The following CSMD1 variants were observed in gnomAD, a reference collection of about 807,000 sequenced individuals.
The protein encoded by CSMD1 is CUB and sushi domain-containing protein 1.
CSMD1 carries 213 observed loss-of-function variants against 417.5 expected under a neutral mutation model. That is an observed-to-expected ratio of 0.51 (90% CI 0.46 to 0.57). The LOEUF is 0.57. Ranked by LOEUF, CSMD1 falls within the 20% of genes least tolerant of loss-of-function variation. The pLI is 0.00. For synonymous variants in CSMD1, 2,862 were observed against 1,736.8 expected, an observed-to-expected ratio of 1.65 and a Z score of -16.11; for missense variants, 6,923 against 4,529.7, an observed-to-expected ratio of 1.53 and a Z score of -15.17.
At chr8:3,864,559 C>G (rs141876362) in intron 5 of CSMD1, among the ~76,000 whole-genome samples, 4,328 of 152,238 alleles carry the variant, frequency 0.028, 182 homozygotes, top group African/African-American at 0.097. Flanking sequence ...TGTTGGTGTA[C>G]TGCACCCATT....
intron 3 of CSMD1, among the ~76,000 whole-genome samples, chr8:4,185,586 A>G (rs1381257992): frequency 6.6e-6 from 1 of 152,182 alleles, no homozygotes; most frequent in Non-Finnish European, 1.5e-5. Context: ...TATCCTACCT[A>G]TCTAGTAAAT....
chr8:4,222,808 G>A (rs981694648), intron 3 of CSMD1, among the ~76,000 whole-genome samples: 3 of 152,138 alleles, frequency 2.0e-5, no homozygotes, highest in Non-Finnish European at 4.4e-5. Flanking sequence ...GAGCTGACCT[G>A]AGGATTTTGC....
chr8:3,074,407 G>C (rs994546879), intron 49 of CSMD1, among the ~76,000 whole-genome samples: 1 of 152,142 alleles, frequency 6.6e-6, no homozygotes, highest in African/African-American at 2.4e-5. Flanking sequence ...GGTCCATAGG[G>C]AGCTGTCTAC....
chr8:3,288,735 C>G (rs1041610120), intron 25 of CSMD1, among the ~76,000 whole-genome samples: 1 of 146,684 alleles, frequency 6.8e-6, no homozygotes, highest in Non-Finnish European at 1.5e-5. Flanking sequence ...TTTTGTTGAT[C>G]TTTTCAAAAA....
intron 2 of CSMD1, among the ~76,000 whole-genome samples, chr8:4,486,456 T>A (rs1801423032): frequency 6.6e-6 from 1 of 151,620 alleles, no homozygotes; most frequent in East Asian, 1.9e-4. Flanking sequence ...CTATATATTT[T>A]AAAAATATTT....
intron 2 of CSMD1, among the ~76,000 whole-genome samples, chr8:4,484,273 G>C (rs570282709): frequency 1.3e-5 from 2 of 151,636 alleles, no homozygotes; most frequent in South Asian, 4.2e-4. Flanking sequence ...CTAGGAACAA[G>C]GTTTCATTTT....
At chr8:3,524,783 G>A (rs867837490) in intron 10 of CSMD1, among the ~76,000 whole-genome samples, 1 of 148,594 alleles carries the variant, frequency 6.7e-6, no homozygotes, top group Non-Finnish European at 1.5e-5. Flanking sequence ...AGTGCACCGA[G>A]AGACATGCAC....
chr8:3,057,746 A>T (rs1237727544), intron 49 of CSMD1, among the ~76,000 whole-genome samples: 1 of 152,160 alleles, frequency 6.6e-6, no homozygotes, highest in East Asian at 1.9e-4. Flanking sequence ...ATTCAGGTAG[A>T]CTTTCTCATC....
chr8:4,579,408 G>C (rs567214665), intron 2 of CSMD1, among the ~76,000 whole-genome samples: 11 of 152,078 alleles, frequency 7.2e-5, no homozygotes, highest in South Asian at 4.2e-4. Flanking sequence ...CTCCAGGCTG[G>C]TGTACAATGG....
intron 1 of CSMD1, among the ~76,000 whole-genome samples, chr8:4,891,994 C>G (rs962453838): frequency 6.6e-6 from 1 of 151,978 alleles, no homozygotes; most frequent in Non-Finnish European, 1.5e-5. Flanking sequence ...ACCAAAATAG[C>G]TCTTAAACAC....
At chr8:4,301,107 T>G (rs534923255) in intron 3 of CSMD1, among the ~76,000 whole-genome samples, 37 of 152,290 alleles carry the variant, frequency 2.4e-4, no homozygotes, top group African/African-American at 7.9e-4. Flanking sequence ...TTGAAACTCT[T>G]GCAAAATTGC....
intron 1 of CSMD1, among the ~76,000 whole-genome samples, chr8:4,668,822 C>G (rs542128561): frequency 6.6e-6 from 1 of 152,114 alleles, no homozygotes; most frequent in East Asian, 1.9e-4. Flanking sequence ...ATGATTTCTT[C>G]TCTATATCTG....
intron 5 of CSMD1, among the ~76,000 whole-genome samples, chr8:3,859,462 T>G (rs1804539786): frequency 6.6e-6 from 1 of 152,194 alleles, no homozygotes. Flanking sequence ...GACTTTGTGC[T>G]TGGTTTCTGG....
intron 6 of CSMD1, among the ~76,000 whole-genome samples, chr8:3,722,546 T>C (rs556001728): frequency 6.6e-6 from 1 of 152,180 alleles, no homozygotes; most frequent in African/African-American, 2.4e-5. Context: ...TAACCCTTCT[T>C]ACCTCTTGTC....
chr8:4,205,911 C>T (rs975722613), intron 3 of CSMD1, among the ~76,000 whole-genome samples: 2 of 152,110 alleles, frequency 1.3e-5, no homozygotes, highest in African/African-American at 4.8e-5. Flanking sequence ...GTACCGAGTC[C>T]TCCTGCAGCC....
rs533038628 is a variant in CSMD1 at position 4,853,948 on chromosome 8, C to T, written c.85+140384G>A. 1.2e-3 allele frequency among the ~76,000 whole-genome samples: 188 copies of T among 151,554 alleles called. 1 individual carries two copies. Among genetic ancestry groups the T allele is most frequent in the Non-Finnish European group, 2.1e-3 (143 of 67,940 alleles). Reference sequence around the variant, plus strand: ...TTCAGAATTATGTGGGGCTTATTACCCCTTTCTTTTGGCCATTTTTTTTCC... The same window carrying T: ...TTCAGAATTATGTGGGGCTTATTACTCCTTTCTTTTGGCCATTTTTTTTCC... On this transcript the variant is annotated intron_variant, in intron 1 of 69. Coordinates refer to ENST00000635120, the MANE Select transcript of CSMD1 (RefSeq NM_033225.6).
Position 3,427,862 on chromosome 8 carries a change from T to C in CSMD1, c.1562-18257A>G, listed in dbSNP as rs75904711. On this transcript the variant is annotated intron_variant, in intron 12 of 69. Coordinates refer to ENST00000635120, the MANE Select transcript of CSMD1 (RefSeq NM_033225.6). ...GGAGGCGTATGCCTGTCAAATCGAT[T>C]ACTGTCAATGTGTAATGTTAGCATC... 1.5e-3 allele frequency among the ~76,000 whole-genome samples: 230 copies of C among 152,340 alleles called. 6 individuals carry two copies. In the East Asian group the frequency reaches 0.039, roughly 26 times the overall value.
At chr8:3,951,328 C>G (rs918949403) in intron 5 of CSMD1, among the ~76,000 whole-genome samples, 1 of 152,166 alleles carries the variant, frequency 6.6e-6, no homozygotes, top group Non-Finnish European at 1.5e-5. Context: ...TTTTAAGCAC[C>G]AGCCCAGTGT....
At chr8:4,117,778 T>G (rs4604459) in intron 3 of CSMD1, among the ~76,000 whole-genome samples, 150,628 of 152,262 alleles carry the variant, frequency 0.99, 74,532 homozygotes, top group East Asian at 1. Context: ...CCAGGCCCAT[T>G]CAGAGAATGT....
Sources: allele counts gnomAD v4.1 joint callset (sites outside exome capture counted in the v4.1 genomes callset), GRCh38; gene constraint gnomAD v4.1.1; transcripts MANE v1.5; gene names NCBI Gene and HGNC (gene_info 2026-07-23, HGNC 2026-07-21).